CREB5: variants seen among roughly 807,000 people sequenced by gnomAD.
CREB5 encodes cyclic AMP-responsive element-binding protein 5.
Under a neutral mutation model 57.1 loss-of-function variants are expected in CREB5, and 19 were observed. That is an observed-to-expected ratio of 0.33 (90% CI 0.23 to 0.49). The LOEUF (loss-of-function observed/expected upper bound fraction) is 0.49, where lower values mean the gene tolerates loss of function less well. CREB5 is among the 20% of genes least tolerant of loss of function. The probability of loss-of-function intolerance (pLI) is 0.99; values close to 1 mark genes in which losing one functional copy is unlikely to be tolerated. For synonymous variants in CREB5, 238 were observed against 238.3 expected, an observed-to-expected ratio of 1.00 and a Z score of 0.01; for missense variants, 579 against 671.6, an observed-to-expected ratio of 0.86 and a Z score of 1.52.
chr7:28,446,610 G>A (rs1213401555), intron 1 of CREB5, among the ~76,000 whole-genome samples: 1 of 152,228 alleles, frequency 6.6e-6, no homozygotes, highest in East Asian at 1.9e-4. Flanking sequence ...AGCTAACACG[G>A]TGAAATCCCA....
At chr7:28,447,761 C>T (rs1789558954) in intron 1 of CREB5, among the ~76,000 whole-genome samples, 2 of 152,164 alleles carry the variant, frequency 1.3e-5, no homozygotes, top group South Asian at 2.1e-4. Flanking sequence ...CTTCTGATGA[C>T]ACAACTGCCC....
At chr7:28,692,339 G>A (rs1435852207) in intron 5 of CREB5, among the ~76,000 whole-genome samples, 8 of 152,278 alleles carry the variant, frequency 5.3e-5, no homozygotes. Flanking sequence ...ACGCATGACT[G>A]TAATCCCAGC....
chr7:28,750,863 A>G (rs1488639977), intron 7 of CREB5, among the ~76,000 whole-genome samples: 1 of 152,168 alleles, frequency 6.6e-6, no homozygotes, highest in African/African-American at 2.4e-5. Context: ...TTTGGAATGA[A>G]TTTATCAGGT....
Position 28,575,314 on chromosome 7 carries a change from G to T in CREB5, c.464+4777G>T, listed in dbSNP as rs113470173. On this transcript the variant is annotated intron_variant, in intron 5 of 10. Transcript: ENST00000357727. Reference sequence around the variant, plus strand: ...AGATGGGAATGTTAATACATTTGAGGGTTTTGTGTCATTGTTGCTGGGGGT... The same window carrying T: ...AGATGGGAATGTTAATACATTTGAGTGTTTTGTGTCATTGTTGCTGGGGGT... 5.1e-3 allele frequency among the ~76,000 whole-genome samples: 771 copies of T among 152,336 alleles called. 10 individuals carry two copies. The highest frequency in any genetic ancestry group is 0.018 in the African/African-American group (749 of 41,574).
intron 4 of CREB5, among the ~76,000 whole-genome samples, chr7:28,522,445 G>C (rs1425399875): frequency 1.4e-5 from 2 of 144,590 alleles, no homozygotes; most frequent in African/African-American, 5.2e-5. Context: ...GCCCAGCCTG[G>C]AGTGCAATGG....
intron 1 of CREB5, among the ~76,000 whole-genome samples, chr7:28,434,620 G>A (rs1280047384): frequency 6.6e-6 from 1 of 152,164 alleles, no homozygotes; most frequent in African/African-American, 2.4e-5. Context: ...TGAGGCTGTT[G>A]ATTTTTAAAC....
intron 4 of CREB5, among the ~76,000 whole-genome samples, chr7:28,559,794 G>A (rs1369233609): frequency 6.6e-6 from 1 of 152,216 alleles, no homozygotes; most frequent in Admixed American, 6.5e-5. Flanking sequence ...TGAGCTAGGT[G>A]CTAGCGATAG....
rs752165427 is a variant in CREB5, at chr7:28,804,438, C to T, written c.942C>T (p.His314=). 3.7e-6 allele frequency: 6 copies of T among 1,613,982 alleles called. No homozygotes were observed. Among genetic ancestry groups the T allele is most frequent in the Admixed American group, 3.3e-5 (2 of 59,992 alleles). The part of the protein sequence containing the change: ...QPHHQQNHPH[H]HSHSHLHAHP... Reference sequence around the variant, plus strand: ...ATCACCAGCAGAACCATCCACATCACCACTCCCATTCCCACCTTCATGCAC... The same window carrying T: ...ATCACCAGCAGAACCATCCACATCATCACTCCCATTCCCACCTTCATGCAC... The change falls in exon 8 of 11, where the codon CAC becomes CAT. Residue 314 remains histidine, a synonymous_variant. Coordinates refer to ENST00000357727, the MANE Select transcript of CREB5 (RefSeq NM_182898.4).
rs778090317 is a variant in CREB5 at position 28,819,318 on chromosome 7, C to T, written c.*39C>T. 2.4e-5 allele frequency: 38 copies of T among 1,582,802 alleles called. No individual in the cohort carries two copies. Among genetic ancestry groups the T allele is most frequent in the African/African-American group, 4.1e-5 (3 of 73,912 alleles). ...ACCTGGCCTCCAAGAAGAGCTGTAG[C>T]GTACCATGCGTCCTTTCTTTTAAGG... is the stretch of plus-strand genomic sequence containing the variant. On this transcript the variant is annotated 3_prime_UTR_variant, in exon 11 of 11. Coordinates refer to ENST00000357727, the MANE Select transcript of CREB5 (RefSeq NM_182898.4).
chr7:28,589,439 A>G (rs1796415787), intron 5 of CREB5, among the ~76,000 whole-genome samples: 1 of 152,174 alleles, frequency 6.6e-6, no homozygotes, highest in African/African-American at 2.4e-5. Context: ...CTGTAGTCCC[A>G]GCTACTCGGG....
Position 28,819,108 on chromosome 7 carries a change from C to T in CREB5, c.1364-8C>T, listed in dbSNP as rs777788635. On this transcript the variant is annotated splice_region_variant and splice_polypyrimidine_tract_variant and intron_variant, in intron 10 of 10. Coordinates refer to ENST00000357727, the MANE Select transcript of CREB5 (RefSeq NM_182898.4). ...ATGTGTGTGTGTTGTCTTTTTTTTT[C>T]TCCCTAGGTCCAGAGAGTAGCCCTC... The T allele has an allele frequency of 9.4e-6, 15 of 1,599,074 alleles. No homozygotes were observed. The highest frequency in any genetic ancestry group is 1.4e-5 in the African/African-American group (1 of 73,578).
At chr7:28,562,226 T>C (rs1795301953) in intron 4 of CREB5, among the ~76,000 whole-genome samples, 1 of 152,126 alleles carries the variant, frequency 6.6e-6, no homozygotes, top group Admixed American at 6.6e-5. Flanking sequence ...ATGTGGGAGA[T>C]GAGAACAGAA....
chr7:28,516,468 A>G (rs1206892726), intron 4 of CREB5, among the ~76,000 whole-genome samples: 3 of 152,206 alleles, frequency 2.0e-5, no homozygotes, highest in Non-Finnish European at 4.4e-5. Context: ...TAAATGACCG[A>G]AAAAAGAAAC....
intron 1 of CREB5, among the ~76,000 whole-genome samples, chr7:28,363,400 G>A (rs1440772609): frequency 6.6e-6 from 1 of 151,962 alleles, no homozygotes; most frequent in Non-Finnish European, 1.5e-5. Context: ...GCTGCTTCAG[G>A]ACTGAGCCTC....
At chr7:28,458,553 G>A (rs979616529) in intron 1 of CREB5, among the ~76,000 whole-genome samples, 4 of 152,146 alleles carry the variant, frequency 2.6e-5, no homozygotes, top group Non-Finnish European at 4.4e-5. Context: ...CGCAAATATA[G>A]GCAGGCAGGA....
intron 5 of CREB5, among the ~76,000 whole-genome samples, chr7:28,642,951 TACACAC>T (rs751628412): frequency 3.3e-4 from 30 of 89,744 alleles, no homozygotes; most frequent in African/African-American, 9.2e-4. Flanking sequence ...AGGGTAGATT[TACACAC>T]ACACACACAC....
chr7:28,594,410 C>T (rs1178247799), intron 5 of CREB5, among the ~76,000 whole-genome samples: 2 of 152,172 alleles, frequency 1.3e-5, no homozygotes, highest in Non-Finnish European at 2.9e-5. Flanking sequence ...TCAAGGATTA[C>T]AGCCCACTTA....
At chr7:28,689,503 T>C (rs1028048306) in intron 5 of CREB5, among the ~76,000 whole-genome samples, 2 of 152,222 alleles carry the variant, frequency 1.3e-5, no homozygotes, top group African/African-American at 4.8e-5. Context: ...GATTCCCATG[T>C]ATTCTTTGCC....
intron 7 of CREB5, among the ~76,000 whole-genome samples, chr7:28,764,718 TA>T (rs1387960113): frequency 2.6e-5 from 4 of 152,264 alleles, no homozygotes; most frequent in African/African-American, 7.2e-5. Context: ...TCAGATTTTT[TA>T]AAACTTGGGT....
Sources: gnomAD v4.1 joint callset for allele counts (sites outside exome capture counted in the v4.1 genomes callset) on GRCh38, gnomAD v4.1.1 for gene constraint, MANE v1.5 for transcripts, NCBI Gene and HGNC (gene_info 2026-07-23, HGNC 2026-07-21) for gene names.